Variants in TNN observed in about 807,000 individuals in gnomAD.
TNN encodes the protein tenascin N.
In TNN, 122 loss-of-function variants were observed where a neutral mutation model predicts 134.4. That is an observed-to-expected ratio of 0.91 (90% CI 0.78 to 1.06). The LOEUF is 1.06. Ranked by LOEUF, TNN falls within the 50% of genes least tolerant of loss-of-function variation. The probability of loss-of-function intolerance (pLI) is 0.00; values close to 1 mark genes in which losing one functional copy is unlikely to be tolerated. For missense variants in TNN, 1,739 were observed against 1,699.4 expected (o/e 1.02, Z -0.41); for synonymous variants, 710 against 670.3 (o/e 1.06, Z -0.91).
intron 7 of TNN, among the ~76,000 whole-genome samples, chr1:175,096,245 G>T (rs186281301): frequency 6.6e-6 from 1 of 152,238 alleles, no homozygotes; most frequent in Non-Finnish European, 1.5e-5. Context: ...GTGGGAGTTA[G>T]CAGTGGAGGC....
Position 175,094,271 on chromosome 1 carries a change from G to T in TNN, c.1588+18G>T, listed in dbSNP as rs370099118. The stretch of plus-strand genomic sequence containing the variant: ...CCTCACAGGTAACAGAAGGACGGGA[G>T]CATAAATAGGTTTCCTCATGGCAGG... On this transcript the variant is annotated intron_variant, in intron 7 of 18. Transcript: ENST00000239462. 8 of 1,539,234 alleles carry T rather than the reference G, an allele frequency of 5.2e-6. No homozygotes were observed. The African/African-American group carries it at 8.2e-5, about 16-fold the overall frequency.
rs1175344428 is a variant in TNN at position 175,080,187 on chromosome 1, T to G, written c.809T>G (p.Leu270Arg). 1.2e-6 allele frequency: 2 copies of G among 1,614,076 alleles called. No individual in the cohort carries two copies. The highest frequency in any genetic ancestry group is 1.1e-5 in the South Asian group (1 of 91,084). Residue 270 changes from leucine (L) to arginine (R), a missense_variant, in exon 4 of 19, where the codon CTG becomes CGG. By Grantham distance (102) the Leu-to-Arg change is moderately radical. Transcript: ENST00000239462. ...GTGGTCACCCCACAGGGCCTGCAGC[T>G]GCTCAAGAACACGGAGGATTCTCTG... ...AQVVTPQGLQ[L>R]LKNTEDSLLV... is the part of the protein sequence containing the mutation.
chr1:175,124,153 G>A (rs924780040), intron 12 of TNN, among the ~76,000 whole-genome samples: 2 of 152,236 alleles, frequency 1.3e-5, no homozygotes, highest in Admixed American at 1.3e-4. Context: ...GCACTTGGAA[G>A]AGAGCACTGT....
In TNN at chr1:175,098,592, A is replaced by G. The variant is rs1674636634; in HGVS notation, c.2116A>G (p.Thr706Ala). The G allele has an allele frequency of 2.5e-6, 4 of 1,613,926 alleles. No homozygotes were observed. The highest frequency in any genetic ancestry group is 3.4e-6 in the Non-Finnish European group (4 of 1,179,944). The change falls in exon 9 of 19, where the codon ACA becomes GCA. Residue 706 changes from threonine (T) to alanine (A), a missense_variant. Thr to Ala is a moderately conservative substitution (Grantham distance 58). Coordinates refer to ENST00000239462, the MANE Select transcript of TNN (RefSeq NM_022093.2). ...CAAGAAGGCCGACACCAAGGCCCAG[A>G]CAGGTAAGGAGTGTGCATTATTGCT... ...ESKKADTKAQ[T>A]DIDSPQNLVT...
intron 5 of TNN, 150 bp from the exon 6 acceptor site, chr1:175,085,255 G>T (rs911378339): frequency 3.3e-6 from 2 of 612,722 alleles, no homozygotes; most frequent in Non-Finnish European, 6.0e-6. Flanking sequence ...CACCTGCGGG[G>T]CTTTATTTGC....
At chr1:175,074,137 A>C (rs1673982893) in intron 1 of TNN, among the ~76,000 whole-genome samples, 1 of 151,080 alleles carries the variant, frequency 6.6e-6, no homozygotes, top group African/African-American at 2.4e-5. Context: ...CCACTAATTC[A>C]CCGTGACCCC....
In TNN at chr1:175,147,018, C is replaced by G. The variant is rs776841550; in HGVS notation, c.3847C>G (p.Pro1283Ala). Residue 1283 changes from proline (P) to alanine (A), a missense_variant, in exon 19 of 19, where the codon CCT becomes GCT. Physicochemically the swap from Pro to Ala is conservative, Grantham distance 27. Transcript: ENST00000239462. Reference sequence around the variant, plus strand: ...CCGCCCTCATGGCTACAGCAGGGAGCCTGTCCTGGGCAGAAAGAAGCGGAC... The same window carrying G: ...CCGCCCTCATGGCTACAGCAGGGAGGCTGTCCTGGGCAGAAAGAAGCGGAC... ...KIRPHGYSRE[P>A]VLGRKKRTLR... 3 of 1,605,022 alleles carry G rather than the reference C, an allele frequency of 1.9e-6. No homozygotes were observed. The highest frequency in any genetic ancestry group is 1.7e-4 in the Middle Eastern group (1 of 6,016).
chr1:175,075,506 G>A (rs1460126756), intron 1 of TNN, among the ~76,000 whole-genome samples: 1 of 152,166 alleles, frequency 6.6e-6, no homozygotes, highest in Non-Finnish European at 1.5e-5. Context: ...ATGTTGGCCA[G>A]ACTGGTCTCG....
At chr1:175,112,761 G>A (rs1330986752) in intron 9 of TNN, among the ~76,000 whole-genome samples, 1 of 151,622 alleles carries the variant, frequency 6.6e-6, no homozygotes, top group East Asian at 1.9e-4. Flanking sequence ...GGGACTATAG[G>A]CATGTGCCAC....
At chr1:175,143,814 G>A (rs1037140964) in intron 17 of TNN, among the ~76,000 whole-genome samples, 18 of 152,154 alleles carry the variant, frequency 1.2e-4, no homozygotes, top group African/African-American at 2.2e-4. Flanking sequence ...GAAAATGGAC[G>A]TCTAAACTCC....
rs764693263 is a variant in TNN at position 175,123,661 on chromosome 1, C to G, written c.2912C>G (p.Thr971Arg). 3 of 1,614,180 alleles carry G rather than the reference C, an allele frequency of 1.9e-6. No homozygotes were observed. In the South Asian group the frequency reaches 3.3e-5, roughly 18 times the overall value. ...ESKKADTKAQ[T>R]ELDPPRNLRP... ...AAGAAGGCTGACACCAAGGCCCAGA[C>G]AGGTACTGAGAGGGACCAGGCCAGG... Residue 971 changes from threonine (T) to arginine (R), a missense_variant and splice_region_variant, in exon 12 of 19, where the codon ACA becomes AGA. Thr to Arg is a moderately conservative substitution (Grantham distance 71). Coordinates refer to ENST00000239462, the MANE Select transcript of TNN (RefSeq NM_022093.2).
chr1:175,087,164 A>G (rs1388441362), intron 6 of TNN, among the ~76,000 whole-genome samples: 1 of 152,216 alleles, frequency 6.6e-6, no homozygotes, highest in Non-Finnish European at 1.5e-5. Flanking sequence ...GGTTAAGGAC[A>G]TGCCTGGGAG....
chr1:175,075,532 G>A (rs1674020380), intron 1 of TNN, among the ~76,000 whole-genome samples: 2 of 152,210 alleles, frequency 1.3e-5, no homozygotes, highest in African/African-American at 4.8e-5. Context: ...CTGGCCTCAA[G>A]TGATCCTCCT....
At chr1:175,121,833 T>C (rs1675384364) in intron 11 of TNN, among the ~76,000 whole-genome samples, 1 of 152,080 alleles carries the variant, frequency 6.6e-6, no homozygotes, top group African/African-American at 2.4e-5. Context: ...AAATAAAAAG[T>C]TTGGGGAGAA....
At chr1:175,070,809 T>C (rs1435316916) in intron 1 of TNN, among the ~76,000 whole-genome samples, 1 of 152,076 alleles carries the variant, frequency 6.6e-6, no homozygotes, top group African/African-American at 2.4e-5. Flanking sequence ...TCAAGGTGAG[T>C]TGAGCCAGGG....
chr1:175,087,495 A>C (rs1283324583), intron 6 of TNN, among the ~76,000 whole-genome samples: 1 of 152,200 alleles, frequency 6.6e-6, no homozygotes, highest in African/African-American at 2.4e-5. Flanking sequence ...GGCAGAGTGA[A>C]TTGGGGTCCC....
chr1:175,127,363 T>A (rs182650380), intron 13 of TNN, among the ~76,000 whole-genome samples: 19 of 152,380 alleles, frequency 1.2e-4, no homozygotes, highest in Non-Finnish European at 2.1e-4. Flanking sequence ...TTGAACAAAT[T>A]GATTAACCCT....
chr1:175,068,782 C>T (rs1263329932), intron 1 of TNN, among the ~76,000 whole-genome samples: 1 of 152,138 alleles, frequency 6.6e-6, no homozygotes, highest in East Asian at 1.9e-4. Flanking sequence ...GTGGCGCATG[C>T]CTATAATCCC....
At chr1:175,082,647 G>A (rs574755162) in intron 4 of TNN, among the ~76,000 whole-genome samples, 7 of 152,294 alleles carry the variant, frequency 4.6e-5, no homozygotes, top group Middle Eastern at 3.4e-3. Flanking sequence ...AATCGGGGAC[G>A]TTCAGAGCCC....
Sources: allele counts gnomAD v4.1 joint callset (sites outside exome capture counted in the v4.1 genomes callset), GRCh38; gene constraint gnomAD v4.1.1; transcripts MANE v1.5; gene names NCBI Gene and HGNC (gene_info 2026-07-23, HGNC 2026-07-21).